Variants in ABLIM2 observed in about 807,000 individuals in gnomAD.
The protein encoded by ABLIM2 is actin binding LIM protein family member 2.
In ABLIM2, 53 loss-of-function variants were observed where a neutral mutation model predicts 97.7. That is an observed-to-expected ratio of 0.54 (90% confidence interval 0.44 to 0.68). The LOEUF is 0.68. Among genes scored for constraint, ABLIM2 ranks in the 30% least tolerant of loss-of-function variants. ABLIM2 has a pLI of 0.00. For synonymous variants in ABLIM2, 361 were observed against 345.8 expected (o/e 1.04, Z -0.49); for missense variants, 835 against 867.2 (o/e 0.96, Z 0.47).
intron 1 of ABLIM2, among the ~76,000 whole-genome samples, chr4:8,144,603 T>C (rs1851502692): frequency 6.6e-6 from 1 of 152,216 alleles, no homozygotes; most frequent in African/African-American, 2.4e-5. Flanking sequence ...GGACACAGCC[T>C]GAGCTCCAGT....
chr4:8,137,153 T>C (rs762677619), intron 1 of ABLIM2, among the ~76,000 whole-genome samples: 1 of 152,126 alleles, frequency 6.6e-6, no homozygotes, highest in African/African-American at 2.4e-5. Flanking sequence ...CAGGCTGTGG[T>C]ATTTGTCACG....
chr4:8,091,879 TTATAATATATAACATA>T (rs1828964456), intron 3 of ABLIM2, among the ~76,000 whole-genome samples: 1 of 92,666 alleles, frequency 1.1e-5, no homozygotes, highest in Non-Finnish European at 2.1e-5. Context: ...ACAATATATA[TTATAATATATAACATA>T]ATATATATAA....
At chr4:7,990,230 C>T (rs1376714348) in intron 17 of ABLIM2, among the ~76,000 whole-genome samples, 2 of 152,102 alleles carry the variant, frequency 1.3e-5, no homozygotes, top group Admixed American at 6.6e-5. Flanking sequence ...GATGAAGTCT[C>T]GCTCTGTCAC....
At chr4:8,047,228 G>A (rs1217270676) in intron 8 of ABLIM2, among the ~76,000 whole-genome samples, 2 of 152,188 alleles carry the variant, frequency 1.3e-5, no homozygotes, top group African/African-American at 2.4e-5. Context: ...AAGGAGAGGA[G>A]GGAGTGGGCA....
intron 3 of ABLIM2, among the ~76,000 whole-genome samples, chr4:8,093,407 T>G (rs1475874374): frequency 1.3e-5 from 2 of 152,208 alleles, no homozygotes; most frequent in Non-Finnish European, 2.9e-5. Flanking sequence ...CAACAAATTC[T>G]CTTAGCTTTG....
intron 17 of ABLIM2, among the ~76,000 whole-genome samples, chr4:7,988,612 G>C (rs1038483694): frequency 6.6e-6 from 1 of 152,194 alleles, no homozygotes; most frequent in African/African-American, 2.4e-5. Flanking sequence ...ACTTTACTCA[G>C]CAGCTAGCGA....
chr4:8,017,991 CAAA>C (rs57785994), intron 14 of ABLIM2, among the ~76,000 whole-genome samples: 4 of 81,000 alleles, frequency 4.9e-5, no homozygotes, highest in African/African-American at 3.8e-5. Context: ...GACTCCGTCT[CAAA>C]AAAAAAAAAA....
intron 9 of ABLIM2, among the ~76,000 whole-genome samples, chr4:8,037,836 T>C (rs1441739354): frequency 6.6e-6 from 1 of 152,228 alleles, no homozygotes; most frequent in Non-Finnish European, 1.5e-5. Flanking sequence ...GCTCCTGCCC[T>C]TGCTGAATGA....
At chr4:8,146,925 TG>T (rs1851899033) in intron 1 of ABLIM2, among the ~76,000 whole-genome samples, 1 of 152,234 alleles carries the variant, frequency 6.6e-6, no homozygotes, top group Non-Finnish European at 1.5e-5. Context: ...CCTCAGTAAT[TG>T]AACCCTGAGG....
chr4:8,114,911 C>T (rs1561510746), intron 1 of ABLIM2, among the ~76,000 whole-genome samples: 1 of 152,146 alleles, frequency 6.6e-6, no homozygotes, highest in Non-Finnish European at 1.5e-5. Context: ...CGGGGCCCAC[C>T]CAGCTTTATT....
rs1757688249 is a variant in ABLIM2, at chr4:8,002,177, C to T, written c.1618+5882G>A. ...GGGGACCCTCAGTCTCTGCCTCCAGCCTGGACCTCTCCTCTGAGCTCCGTC... is the reference window on the plus strand; with the variant it reads ...GGGGACCCTCAGTCTCTGCCTCCAGTCTGGACCTCTCCTCTGAGCTCCGTC... On this transcript the variant is annotated intron_variant, in intron 16 of 20. Coordinates refer to ENST00000447017, the MANE Select transcript of ABLIM2 (RefSeq NM_001130083.2). The surrounding 1 kb of genome is among the most constrained non-coding windows in gnomAD (Gnocchi z 6.1). Among the ~76,000 whole-genome samples, 1 of 152,156 alleles carries T rather than the reference C, an allele frequency of 6.6e-6. No individual in the cohort carries two copies. The highest frequency in any genetic ancestry group is 1.5e-5 in the Non-Finnish European group (1 of 68,030).
chr4:8,154,392 C>T (rs1487970028), intron 1 of ABLIM2, among the ~76,000 whole-genome samples: 3 of 151,184 alleles, frequency 2.0e-5, no homozygotes, highest in South Asian at 2.1e-4. Context: ...AGCGATTCTC[C>T]TGCCTCAGCC....
intron 17 of ABLIM2, 59 bp from the exon 18 acceptor site, chr4:7,984,952 G>C (rs369610454): frequency 1.3e-6 from 2 of 1,563,676 alleles, no homozygotes; most frequent in African/African-American, 2.7e-5. Context: ...TGTGTGGATG[G>C]GCAGGGACCA....
intron 6 of ABLIM2, among the ~76,000 whole-genome samples, chr4:8,076,586 G>C (rs1816142297): frequency 6.6e-6 from 1 of 151,904 alleles, no homozygotes; most frequent in Non-Finnish European, 1.5e-5. Context: ...CTCGAGAGGG[G>C]CTCCCACACC....
intron 1 of ABLIM2, among the ~76,000 whole-genome samples, chr4:8,137,341 AC>A (rs574581968): frequency 7.0e-4 from 106 of 152,302 alleles, no homozygotes; most frequent in African/African-American, 2.5e-3. Flanking sequence ...AAGGGCATGA[AC>A]CCCGGACAAG....
chr4:8,044,860 G>A lies in ABLIM2; in HGVS notation c.900+304C>T, dbSNP rs1248503988. On this transcript the variant is annotated intron_variant, in intron 9 of 20. Transcript: ENST00000447017. This position sits in a 1 kb window ranked among gnomAD's most constrained non-coding sequence, Gnocchi z 4.4. ...CAAGCCCCAACTGTCGGCTGTTGAT[G>A]TGACGTGTCTGCACCACTATAAACA... 1.3e-5 allele frequency among the ~76,000 whole-genome samples: 2 copies of A among 152,206 alleles called. No individual in the cohort carries two copies. Among genetic ancestry groups the A allele is most frequent in the Non-Finnish European group, 2.9e-5 (2 of 68,036 alleles).
rs187939527 is a variant in ABLIM2 at position 8,125,504 on chromosome 4, T to C, written c.11-18867A>G. Among the ~76,000 whole-genome samples the C allele has an allele frequency of 1.2e-3, 185 of 152,360 alleles. No individual in the cohort carries two copies. Among genetic ancestry groups the C allele is most frequent in the African/African-American group, 4.4e-3 (181 of 41,588 alleles). ...TGGGGCCTTGGTGCCAGACTGCTTCTGGGATGGCTCTGCCATCAGCGTTGA... is the reference window on the plus strand; with the variant it reads ...TGGGGCCTTGGTGCCAGACTGCTTCCGGGATGGCTCTGCCATCAGCGTTGA... On this transcript the variant is annotated intron_variant, in intron 1 of 20. Coordinates refer to ENST00000447017, the MANE Select transcript of ABLIM2 (RefSeq NM_001130083.2). The surrounding 1 kb of genome is among the most constrained non-coding windows in gnomAD (Gnocchi z 6.2).
At chr4:8,017,246 C>A (rs1455290270) in intron 14 of ABLIM2, among the ~76,000 whole-genome samples, 1 of 151,760 alleles carries the variant, frequency 6.6e-6, no homozygotes, top group East Asian at 1.9e-4. Flanking sequence ...GGGAGGTGCT[C>A]TATTCTTGCC....
intron 3 of ABLIM2, among the ~76,000 whole-genome samples, chr4:8,096,098 C>G (rs1424118237): frequency 1.3e-5 from 2 of 152,168 alleles, no homozygotes; most frequent in Non-Finnish European, 2.9e-5. Flanking sequence ...GTCTCTCCCC[C>G]AACCCCACGC....
Sources: allele counts gnomAD v4.1 joint callset (sites outside exome capture counted in the v4.1 genomes callset), GRCh38; gene constraint gnomAD v4.1.1; non-coding constraint Gnocchi (gnomAD v3.1); transcripts MANE v1.5; gene names NCBI Gene and HGNC (gene_info 2026-07-23, HGNC 2026-07-21).